CPEB3: variants seen among roughly 807,000 people sequenced by gnomAD.
CPEB3 encodes cytoplasmic polyadenylation element binding protein 3.
A neutral mutation model predicts 67.2 loss-of-function variants in CPEB3; 20 were observed. The ratio of observed to expected loss-of-function variants is 0.30; its 90% CI spans 0.21 to 0.43. CPEB3 has a LOEUF of 0.43. CPEB3 is among the 20% of genes least tolerant of loss of function. The pLI is 1.00. For synonymous variants in CPEB3, 376 were observed against 393.1 expected (o/e 0.96, Z 0.51); for missense variants, 746 against 968.6 (o/e 0.77, Z 3.05).
chr10:92,126,854 G>A (rs1214384093), intron 6 of CPEB3, among the ~76,000 whole-genome samples: 1 of 152,130 alleles, frequency 6.6e-6, no homozygotes, highest in African/African-American at 2.4e-5. Context: ...TTAAAATAAA[G>A]GTTGCACTAG....
intron 6 of CPEB3, among the ~76,000 whole-genome samples, chr10:92,116,100 T>A (rs12766806): frequency 6.7e-6 from 1 of 148,790 alleles, no homozygotes; most frequent in African/African-American, 2.5e-5. Flanking sequence ...GGGCTTTGCC[T>A]CTGCCCCCCA....
chr10:92,124,807 A>C (rs1469495101), intron 6 of CPEB3, among the ~76,000 whole-genome samples: 1 of 152,244 alleles, frequency 6.6e-6, no homozygotes, highest in Non-Finnish European at 1.5e-5. Flanking sequence ...GTGAAGTTTG[A>C]AAACTTTCCT....
At chr10:92,113,837 C>T (rs965176838) in intron 6 of CPEB3, among the ~76,000 whole-genome samples, 1 of 152,090 alleles carries the variant, frequency 6.6e-6, no homozygotes, top group African/African-American at 2.4e-5. Flanking sequence ...AATATCTACA[C>T]TGGCAGTAGA....
chr10:92,233,690 G>C (rs181528009), intron 2 of CPEB3, among the ~76,000 whole-genome samples: 32 of 152,174 alleles, frequency 2.1e-4, no homozygotes, highest in Non-Finnish European at 3.4e-4. Context: ...ATGAATTCAT[G>C]TAAGAAACTT....
chr10:92,133,854 G>A (rs1845959566), intron 6 of CPEB3, among the ~76,000 whole-genome samples: 1 of 152,128 alleles, frequency 6.6e-6, no homozygotes, highest in African/African-American at 2.4e-5. Context: ...TGCAAAGCTG[G>A]TTCAACATTG....
Position 92,162,422 on chromosome 10 carries a change from T to C in CPEB3, c.1223-17337A>G, listed in dbSNP as rs537606537. ...TATTATGTATCTATGATTTGTGTAC[T>C]GTTTGTATTTGAATAGTTAAAAATG... is the stretch of plus-strand genomic sequence containing the variant. On this transcript the variant is annotated intron_variant, in intron 4 of 9. Coordinates refer to ENST00000265997, the MANE Select transcript of CPEB3 (RefSeq NM_014912.5). Among the ~76,000 whole-genome samples the C allele has an allele frequency of 1.8e-3, 275 of 152,256 alleles. 1 individual carries two copies. In the Middle Eastern group the frequency reaches 0.02, roughly 11 times the overall value.
At chr10:92,146,537 A>C (rs1846690791) in intron 4 of CPEB3, among the ~76,000 whole-genome samples, 1 of 152,188 alleles carries the variant, frequency 6.6e-6, no homozygotes. Context: ...CCAACTCTAA[A>C]ACAGAATATA....
chr10:92,239,546 G>A lies in CPEB3; in HGVS notation c.805C>T (p.Arg269Cys). 1 of 1,557,252 alleles carries A rather than the reference G, an allele frequency of 6.4e-7. No homozygotes were observed. The highest frequency in any genetic ancestry group is 8.7e-7 in the Non-Finnish European group (1 of 1,149,814). The change falls in exon 2 of 10, where the codon CGC becomes TGC. Residue 269 changes from arginine to cysteine, a missense_variant. By Grantham distance (180) the Arg-to-Cys change is radical. Around this residue, in one of 2 missense-constraint regions of CPEB3, gnomAD observed 643 missense variants for 717.5 expected, o/e 0.90. Coordinates refer to ENST00000265997, the MANE Select transcript of CPEB3 (RefSeq NM_014912.5). This position sits in a 1 kb window ranked among gnomAD's most constrained non-coding sequence, Gnocchi z 6.0. ...WGGLQAGRDP[R>C]RAVGVGVGVG... ...CCCACGCCCACACCGACCGCCCGGC[G>A]AGGGTCCCGGCCCGCCTGCAGGCCG...
chr10:92,174,521 G>A (rs1848140082), intron 4 of CPEB3, among the ~76,000 whole-genome samples: 1 of 152,138 alleles, frequency 6.6e-6, no homozygotes, highest in Non-Finnish European at 1.5e-5. Context: ...TTCTAAAGAG[G>A]TGAGTGTCTT....
At chr10:92,088,647 C>T (rs933826155) in intron 8 of CPEB3, among the ~76,000 whole-genome samples, 2 of 151,368 alleles carry the variant, frequency 1.3e-5, no homozygotes, top group Admixed American at 1.3e-4. Flanking sequence ...AAAAAACTCA[C>T]AAGATCCAAA....
intron 1 of CPEB3, among the ~76,000 whole-genome samples, chr10:92,256,445 G>A (rs1048225543): frequency 3.3e-5 from 5 of 150,270 alleles, no homozygotes; most frequent in East Asian, 2.0e-4. Flanking sequence ...GCTAGAGTGC[G>A]GTGGCGCATC....
chr10:92,105,715 G>GTT lies in CPEB3; in HGVS notation c.1572+5359_1572+5360dup, dbSNP rs999673116. On this transcript the variant is annotated intron_variant, in intron 7 of 9. Coordinates refer to ENST00000265997, the MANE Select transcript of CPEB3 (RefSeq NM_014912.5). Reference sequence around the variant, plus strand: ...GTGTATTTATATACTTGTTTTGTGGGTTTTTTTTTTTTTTTTTTTTCTGAG... The same window carrying GTT: ...GTGTATTTATATACTTGTTTTGTGGGTTTTTTTTTTTTTTTTTTTTTTCTGAG... Among the ~76,000 whole-genome samples, 910 of 109,712 alleles carry GTT rather than the reference G, an allele frequency of 8.3e-3. 33 individuals carry two copies. Among genetic ancestry groups the GTT allele is most frequent in the East Asian group, 0.024 (95 of 3,944 alleles). The allele number at this position is 109,712 out of a possible 152,430, so 72.0% of individuals were successfully genotyped here. A position where few individuals can be genotyped will look rare whatever the true frequency, so the allele number is the denominator to read the frequency against.
At chr10:92,092,498 G>C (rs537339435) in intron 7 of CPEB3, among the ~76,000 whole-genome samples, 13 of 152,322 alleles carry the variant, frequency 8.5e-5, no homozygotes, top group Non-Finnish European at 1.8e-4. Flanking sequence ...AGTACTCTCT[G>C]GCTGGGCATG....
At chr10:92,066,998 G>A (rs1191572078) in intron 9 of CPEB3, among the ~76,000 whole-genome samples, 1 of 150,600 alleles carries the variant, frequency 6.6e-6, no homozygotes, top group Non-Finnish European at 1.5e-5. Flanking sequence ...GCAGTGAGTC[G>A]AGATCACGCC....
intron 2 of CPEB3, among the ~76,000 whole-genome samples, chr10:92,224,711 T>C (rs1384462681): frequency 6.6e-6 from 1 of 151,676 alleles, no homozygotes; most frequent in Non-Finnish European, 1.5e-5. Context: ...CTGGGCATGG[T>C]GGTATGCGCC....
chr10:92,100,525 C>G (rs938996896), intron 7 of CPEB3, among the ~76,000 whole-genome samples: 1 of 152,212 alleles, frequency 6.6e-6, no homozygotes, highest in Non-Finnish European at 1.5e-5. Flanking sequence ...ATCCGCCCAC[C>G]TCAGCCTCAC....
chr10:92,067,378 T>A (rs905891634), intron 9 of CPEB3, among the ~76,000 whole-genome samples: 14 of 151,522 alleles, frequency 9.2e-5, no homozygotes, highest in African/African-American at 3.4e-4. Flanking sequence ...CGCATGCCTG[T>A]AGTCCCAGCT....
intron 8 of CPEB3, among the ~76,000 whole-genome samples, chr10:92,089,179 A>G (rs954930216): frequency 6.6e-6 from 1 of 152,212 alleles, no homozygotes; most frequent in African/African-American, 2.4e-5. Flanking sequence ...AACGTCTTCT[A>G]TTCCAAGGTA....
chr10:92,122,632 G>A (rs1193722140), intron 6 of CPEB3, among the ~76,000 whole-genome samples: 1 of 152,216 alleles, frequency 6.6e-6, no homozygotes, highest in African/African-American at 2.4e-5. Flanking sequence ...AGAGAACTCT[G>A]ACTTAGGAAC....
Sources: allele counts gnomAD v4.1 joint callset (sites outside exome capture counted in the v4.1 genomes callset), GRCh38; gene constraint gnomAD v4.1.1; regional missense constraint gnomAD v4.1.1; non-coding constraint Gnocchi (gnomAD v3.1); transcripts MANE v1.5; gene names NCBI Gene and HGNC (gene_info 2026-07-23, HGNC 2026-07-21).